Variants in THADA observed in about 807,000 individuals in gnomAD.
THADA encodes the protein tRNA (32-2'-O)-methyltransferase regulator THADA.
THADA carries 213 observed loss-of-function variants against 219.8 expected under a neutral mutation model. The ratio of observed to expected loss-of-function variants is 0.97; its 90% confidence interval spans 0.87 to 1.09. The LOEUF (loss-of-function observed/expected upper bound fraction) is 1.09. THADA is among the 50% of genes least tolerant of loss of function. The pLI, the probability that THADA is intolerant of heterozygous loss-of-function variation, is 0.00. For synonymous variants in THADA, 1,018 were observed against 828.9 expected (o/e 1.23, Z -3.92); for missense variants, 2,956 against 2,311.3 (o/e 1.28, Z -5.72).
intron 26 of THADA, among the ~76,000 whole-genome samples, chr2:43,430,902 AC>A (rs1406503642): frequency 2.6e-5 from 4 of 152,236 alleles, no homozygotes; most frequent in Non-Finnish European, 5.9e-5. Flanking sequence ...CTGATTGAGA[AC>A]CACTGGTTTG....
intron 28 of THADA, among the ~76,000 whole-genome samples, chr2:43,404,860 T>A (rs1558707696): frequency 6.6e-6 from 1 of 152,054 alleles, no homozygotes; most frequent in Non-Finnish European, 1.5e-5. Context: ...AAAGGAAGAG[T>A]GCTCATTTCA....
At chr2:43,585,442 C>A (rs1700904912) in intron 7 of THADA, among the ~76,000 whole-genome samples, 1 of 151,286 alleles carries the variant, frequency 6.6e-6, no homozygotes, top group South Asian at 2.1e-4. Context: ...CACTTGAACC[C>A]AGGGAGGTAG....
At chr2:43,353,923 T>C (rs1219917579) in intron 29 of THADA, among the ~76,000 whole-genome samples, 1 of 152,056 alleles carries the variant, frequency 6.6e-6, no homozygotes, top group Non-Finnish European at 1.5e-5. Context: ...GTTCACGCCA[T>C]TCTCCTGCCT....
In THADA at chr2:43,569,017, G is replaced by T. The variant is rs72867051; in HGVS notation, c.2187+1371C>A. Among the ~76,000 whole-genome samples, 1,422 of 152,040 alleles carry T rather than the reference G, an allele frequency of 9.4e-3. 25 individuals carry two copies. Among genetic ancestry groups the T allele is most frequent in the African/African-American group, 0.033 (1,361 of 41,482 alleles). ...AGGGTCTCGCTGCTCTGTTGCTCAGGATGGAGTGCAGTGCTACAATTAAGG... is the reference window on the plus strand; with the variant it reads ...AGGGTCTCGCTGCTCTGTTGCTCAGTATGGAGTGCAGTGCTACAATTAAGG... On this transcript the variant is annotated intron_variant, in intron 14 of 37. Coordinates refer to ENST00000405975, the MANE Select transcript of THADA (RefSeq NM_022065.5).
intron 21 of THADA, among the ~76,000 whole-genome samples, chr2:43,540,715 A>T (rs1424974375): frequency 1.3e-5 from 2 of 152,228 alleles, no homozygotes; most frequent in Non-Finnish European, 2.9e-5. Context: ...CTTAAAACAA[A>T]AGTCAGCCAA....
chr2:43,463,693 A>G (rs1039842250), intron 26 of THADA, among the ~76,000 whole-genome samples: 4 of 145,204 alleles, frequency 2.8e-5, no homozygotes, highest in African/African-American at 1.1e-4. Flanking sequence ...TACTAAAGGC[A>G]AATTCCAATG....
At chr2:43,233,213 A>C (rs748915691) in intron 36 of THADA, 7 of 262,532 alleles carry the variant, frequency 2.7e-5, no homozygotes, top group Non-Finnish European at 4.5e-5. Context: ...TTCCCTGTCC[A>C]GTGTCTCCTC....
intron 29 of THADA, among the ~76,000 whole-genome samples, chr2:43,355,557 C>T (rs1293054575): frequency 6.6e-6 from 1 of 152,184 alleles, no homozygotes; most frequent in Non-Finnish European, 1.5e-5. Flanking sequence ...TCTGGTGTGA[C>T]AGCCAAGAAA....
chr2:43,471,420 G>A (rs1036069065), intron 26 of THADA, among the ~76,000 whole-genome samples: 15 of 152,032 alleles, frequency 9.9e-5, no homozygotes, highest in African/African-American at 3.1e-4. Flanking sequence ...CCAGTTACTC[G>A]GCGGCGGGGC....
intron 34 of THADA, 48 bp downstream of exon 34, chr2:43,291,648 G>C (rs1674736614): frequency 2.8e-6 from 4 of 1,454,348 alleles, no homozygotes; most frequent in Non-Finnish European, 3.7e-6. Context: ...CTGAGTAAAT[G>C]AGAACAAAAA....
chr2:43,328,113 A>AT, intron 30 of THADA, among the ~76,000 whole-genome samples: 1 of 152,344 alleles, frequency 6.6e-6, no homozygotes, highest in East Asian at 1.9e-4. Flanking sequence ...CCGATTTCCA[A>AT]TTTTTACCAT....
At chr2:43,505,145 G>A (rs112336314) in intron 24 of THADA, among the ~76,000 whole-genome samples, 186 of 152,168 alleles carry the variant, frequency 1.2e-3, no homozygotes, top group Middle Eastern at 0.01. Flanking sequence ...GTACATCAAC[G>A]CAAAGAAGCA....
At chr2:43,455,418 T>G (rs532423251) in intron 26 of THADA, among the ~76,000 whole-genome samples, 3 of 152,120 alleles carry the variant, frequency 2.0e-5, no homozygotes, top group Non-Finnish European at 4.4e-5. Context: ...TTATAAATTT[T>G]AGGTGGCAGC....
intron 28 of THADA, among the ~76,000 whole-genome samples, chr2:43,423,981 G>A (rs574610510): frequency 1.2e-4 from 19 of 152,214 alleles, no homozygotes; most frequent in African/African-American, 4.6e-4. Flanking sequence ...ATGAATTAAT[G>A]GTCTTAAATT....
At chr2:43,551,277 C>G (rs990121763) in intron 19 of THADA, among the ~76,000 whole-genome samples, 18 of 152,150 alleles carry the variant, frequency 1.2e-4, no homozygotes, top group Admixed American at 1.2e-3. Flanking sequence ...TTAAAAGGAA[C>G]ACTCAATTTT....
intron 34 of THADA, among the ~76,000 whole-genome samples, chr2:43,288,014 G>C (rs1430108913): frequency 2.0e-5 from 3 of 152,236 alleles, no homozygotes; most frequent in Non-Finnish European, 4.4e-5. Flanking sequence ...TAGGACAGCA[G>C]AACAACAAAG....
chr2:43,231,309 ACTTCTGC>A lies in THADA; in HGVS notation c.5494_5500del (p.Ala1832SerfsTer8), dbSNP rs1270967524. The A allele has an allele frequency of 1.9e-6, 3 of 1,568,184 alleles. No homozygotes were observed. The highest frequency in any genetic ancestry group is 2.6e-6 in the Non-Finnish European group (3 of 1,161,642). On this transcript the variant is annotated frameshift_variant, in exon 38 of 38. Transcript: ENST00000405975. LOFTEE classifies it low-confidence loss of function (END_TRUNC). ...GATCAGGGTCTCGGCCCAAAAGTTGACTTCTGCTTTTTCAAACAGGTAGTCTTCTTCC... is the reference window on the plus strand; with the variant it reads ...GATCAGGGTCTCGGCCCAAAAGTTGATTTTTCAAACAGGTAGTCTTCTTCC...
chr2:43,371,082 C>T (rs990396836), intron 29 of THADA, among the ~76,000 whole-genome samples: 1 of 152,136 alleles, frequency 6.6e-6, no homozygotes, highest in Non-Finnish European at 1.5e-5. Flanking sequence ...CTTTTTCAGC[C>T]TCTGGAGTTT....
intron 26 of THADA, among the ~76,000 whole-genome samples, chr2:43,452,886 C>T (rs927086930): frequency 6.6e-6 from 1 of 152,188 alleles, no homozygotes; most frequent in East Asian, 1.9e-4. Context: ...AGAGACTCTT[C>T]CTAATATACT....
Sources: gnomAD v4.1 joint callset for allele counts (sites outside exome capture counted in the v4.1 genomes callset) on GRCh38, gnomAD v4.1.1 for gene constraint, MANE v1.5 for transcripts, NCBI Gene and HGNC (gene_info 2026-07-23, HGNC 2026-07-21) for gene names.